KCNAB1: variants seen among roughly 807,000 people sequenced by gnomAD.
The protein encoded by KCNAB1 is potassium voltage-gated channel subfamily A regulatory beta subunit 1.
KCNAB1 carries 35 observed loss-of-function variants against 64.6 expected under a neutral mutation model. The observed-to-expected ratio is 0.54, with a 90% confidence interval of 0.41 to 0.72. KCNAB1 has a LOEUF of 0.72. Ranked by LOEUF, KCNAB1 falls within the 30% of genes least tolerant of loss-of-function variation. The pLI, the probability that KCNAB1 is intolerant of heterozygous loss-of-function variation, is 0.00. For missense variants in KCNAB1, 401 were observed against 512.9 expected, an observed-to-expected ratio of 0.78 and a Z score of 2.11; for synonymous variants, 177 against 183.8, an observed-to-expected ratio of 0.96 and a Z score of 0.30.
intron 8 of KCNAB1, among the ~76,000 whole-genome samples, chr3:156,485,900 T>G (rs1715170971): frequency 6.6e-6 from 1 of 152,154 alleles, no homozygotes; most frequent in South Asian, 2.1e-4. Flanking sequence ...TCCGCCCATG[T>G]TGCTGCAAAG....
intron 1 of KCNAB1, among the ~76,000 whole-genome samples, chr3:156,310,683 A>G (rs908171201): frequency 4.6e-5 from 7 of 152,186 alleles, no homozygotes; most frequent in Non-Finnish European, 7.3e-5. Context: ...GGGTGCCTGT[A>G]TTCCCAGCTA....
chr3:156,409,072 G>A (rs2108206018), intron 1 of KCNAB1, among the ~76,000 whole-genome samples: 1 of 152,306 alleles, frequency 6.6e-6, no homozygotes, highest in South Asian at 2.1e-4. Context: ...AGTGTAGGAA[G>A]CACCTACTTT....
At chr3:156,491,429 A>T (rs1252915373) in intron 8 of KCNAB1, among the ~76,000 whole-genome samples, 1 of 152,126 alleles carries the variant, frequency 6.6e-6, no homozygotes, top group Non-Finnish European at 1.5e-5. Flanking sequence ...TGTAGCTCCA[A>T]ATCAAACTAA....
At chr3:156,379,547 A>C (rs1170746920) in intron 1 of KCNAB1, among the ~76,000 whole-genome samples, 1 of 152,160 alleles carries the variant, frequency 6.6e-6, no homozygotes, top group Non-Finnish European at 1.5e-5. Context: ...GGTACAGGGA[A>C]CAGCCTGTGC....
intron 1 of KCNAB1, among the ~76,000 whole-genome samples, chr3:156,248,169 C>G (rs1220375883): frequency 6.6e-6 from 1 of 152,160 alleles, no homozygotes; most frequent in African/African-American, 2.4e-5. Flanking sequence ...AATCAATGCA[C>G]CAATGAAACT....
At chr3:156,475,674 A>C (rs1467558516) in intron 8 of KCNAB1, among the ~76,000 whole-genome samples, 1 of 152,230 alleles carries the variant, frequency 6.6e-6, no homozygotes, top group African/African-American at 2.4e-5. Flanking sequence ...ACATGAGATT[A>C]CATTGAAGGT....
intron 1 of KCNAB1, among the ~76,000 whole-genome samples, chr3:156,362,113 ATATC>A (rs1725653514): frequency 2.0e-5 from 3 of 152,184 alleles, no homozygotes; most frequent in South Asian, 4.1e-4. Flanking sequence ...ATATCCATCT[ATATC>A]TATATATCAA....
intron 1 of KCNAB1, among the ~76,000 whole-genome samples, chr3:156,305,365 T>C (rs1721425709): frequency 6.6e-6 from 1 of 152,210 alleles, no homozygotes; most frequent in African/African-American, 2.4e-5. Context: ...TTGTAGGTGA[T>C]CAATAAAGGA....
chr3:156,532,506 C>T (rs1347716012), intron 13 of KCNAB1, among the ~76,000 whole-genome samples: 1 of 152,152 alleles, frequency 6.6e-6, no homozygotes. Context: ...TCTACCTGTC[C>T]CTGCAACAAG....
chr3:156,291,346 C>A (rs887188740), intron 1 of KCNAB1: 6 of 992,320 alleles, frequency 6.0e-6, no homozygotes, highest in Non-Finnish European at 7.2e-6. Context: ...ATGGAGACCA[C>A]CAGTCCGAGG....
chr3:156,224,340 C>T (rs1716011347), intron 1 of KCNAB1, among the ~76,000 whole-genome samples: 1 of 152,250 alleles, frequency 6.6e-6, no homozygotes, highest in Non-Finnish European at 1.5e-5. Flanking sequence ...AGGGAGCCGG[C>T]TCCGGCCTTG....
chr3:156,387,004 T>TTC (rs1306718735), intron 1 of KCNAB1, among the ~76,000 whole-genome samples: 3,663 of 130,214 alleles, frequency 0.028, 167 homozygotes, highest in Middle Eastern at 0.04. Flanking sequence ...CTTGCTTGCT[T>TTC]TCTCTCTCTC....
chr3:156,128,581 C>T (rs1449936972), intron 1 of KCNAB1, among the ~76,000 whole-genome samples: 1 of 152,192 alleles, frequency 6.6e-6, no homozygotes, highest in Non-Finnish European at 1.5e-5. Context: ...CTTCACATGA[C>T]ATAGAGCAGG....
intron 11 of KCNAB1, among the ~76,000 whole-genome samples, chr3:156,517,307 C>A (rs1168713220): frequency 1.3e-5 from 2 of 152,194 alleles, no homozygotes; most frequent in South Asian, 4.1e-4. Context: ...AGGCTCTAGG[C>A]CTTTGACTTT....
At chr3:156,174,467 A>T (rs564467813) in intron 1 of KCNAB1, among the ~76,000 whole-genome samples, 26 of 152,332 alleles carry the variant, frequency 1.7e-4, no homozygotes, top group African/African-American at 6.0e-4. Flanking sequence ...AGTTAGCAGG[A>T]TCTACAGTAT....
chr3:156,182,266 C>G (rs910703988), intron 1 of KCNAB1, among the ~76,000 whole-genome samples: 1 of 152,102 alleles, frequency 6.6e-6, no homozygotes, highest in African/African-American at 2.4e-5. Context: ...AGGCCCTGCT[C>G]CTATTTTGTA....
intron 1 of KCNAB1, among the ~76,000 whole-genome samples, chr3:156,131,996 C>T (rs148501761): frequency 1.3e-5 from 2 of 152,232 alleles, no homozygotes; most frequent in African/African-American, 4.8e-5. Flanking sequence ...AGCCACATGA[C>T]CACATTCAAC....
chr3:156,255,529 T>C (rs1242371188), intron 1 of KCNAB1, among the ~76,000 whole-genome samples: 1 of 152,128 alleles, frequency 6.6e-6, no homozygotes, highest in Non-Finnish European at 1.5e-5. Flanking sequence ...TCTCTCCTGC[T>C]CCATCTTCCT....
chr3:156,511,322 C>T (rs537629842), intron 8 of KCNAB1, among the ~76,000 whole-genome samples: 2 of 152,264 alleles, frequency 1.3e-5, no homozygotes, highest in East Asian at 3.9e-4. Flanking sequence ...CCAGGATGGT[C>T]TCGATCTCCT....
Sources: allele counts gnomAD v4.1 joint callset (sites outside exome capture counted in the v4.1 genomes callset), GRCh38; gene constraint gnomAD v4.1.1; transcripts MANE v1.5; gene names NCBI Gene and HGNC (gene_info 2026-07-23, HGNC 2026-07-21).